ELOVL7: variants seen among roughly 807,000 people sequenced by gnomAD.
The protein encoded by ELOVL7 is ELOVL fatty acid elongase 7.
A neutral mutation model predicts 35.7 loss-of-function variants in ELOVL7; 27 were observed. That is an observed-to-expected ratio of 0.76 (90% CI 0.56 to 1.04). The LOEUF (loss-of-function observed/expected upper bound fraction) is 1.04, where lower values mean the gene tolerates loss of function less well. ELOVL7 is among the 50% of genes least tolerant of loss of function. ELOVL7 has a pLI of 0.00. For missense variants in ELOVL7, 327 were observed against 340.8 expected (o/e 0.96, Z 0.32); for synonymous variants, 113 against 114.6 (o/e 0.99, Z 0.09).
At chr5:60,778,505 C>G (rs913559732) in intron 3 of ELOVL7, among the ~76,000 whole-genome samples, 1 of 152,124 alleles carries the variant, frequency 6.6e-6, no homozygotes, top group Non-Finnish European at 1.5e-5. Flanking sequence ...CATGAAGTGG[C>G]AGGAGAGAGA....
intron 2 of ELOVL7, among the ~76,000 whole-genome samples, chr5:60,795,160 T>C (rs1213564118): frequency 6.6e-6 from 1 of 151,968 alleles, no homozygotes; most frequent in Non-Finnish European, 1.5e-5. Flanking sequence ...GACAGGGAAG[T>C]CCAGATGTGA....
At chr5:60,780,658 A>G (rs1223250710) in intron 3 of ELOVL7, among the ~76,000 whole-genome samples, 1 of 152,184 alleles carries the variant, frequency 6.6e-6, no homozygotes, top group Non-Finnish European at 1.5e-5. Flanking sequence ...GAAACTTACA[A>G]TCATGACATA....
chr5:60,814,228 T>C (rs1745395230), intron 1 of ELOVL7, among the ~76,000 whole-genome samples: 1 of 152,176 alleles, frequency 6.6e-6, no homozygotes, highest in African/African-American at 2.4e-5. Flanking sequence ...ATTTTCATAA[T>C]GAGTTATTAT....
intron 3 of ELOVL7, among the ~76,000 whole-genome samples, chr5:60,773,641 A>C (rs771093972): frequency 2.6e-4 from 40 of 152,340 alleles, no homozygotes; most frequent in Middle Eastern, 3.4e-3. Context: ...ATATATGATT[A>C]AGGAAGTCCC....
intron 7 of ELOVL7, among the ~76,000 whole-genome samples, chr5:60,763,160 A>G (rs16878373): frequency 0.19 from 28,711 of 152,168 alleles, 4,909 homozygotes; most frequent in African/African-American, 0.46. Flanking sequence ...TCAGTAATAA[A>G]TGCCAATTCT....
chr5:60,754,968 C>T, intron 8 of ELOVL7, 135 bp from the exon 9 acceptor site: 1 of 706,714 alleles, frequency 1.4e-6, no homozygotes, highest in Admixed American at 2.8e-5. Flanking sequence ...AATCTAGCCT[C>T]CCTGAGAGTG....
At chr5:60,796,291 G>A (rs181974226) in intron 2 of ELOVL7, among the ~76,000 whole-genome samples, 1 of 152,340 alleles carries the variant, frequency 6.6e-6, no homozygotes, top group East Asian at 1.9e-4. Flanking sequence ...GGAGGAAAGT[G>A]ACCAGCAGCT....
chr5:60,773,091 A>G (rs1742695870), intron 3 of ELOVL7, among the ~76,000 whole-genome samples: 1 of 152,224 alleles, frequency 6.6e-6, no homozygotes, highest in Admixed American at 6.5e-5. Context: ...GCTCCAGGCC[A>G]GCAGAGATGG....
chr5:60,808,109 G>A (rs1225023783), intron 1 of ELOVL7, among the ~76,000 whole-genome samples: 1 of 147,664 alleles, frequency 6.8e-6, no homozygotes, highest in Non-Finnish European at 1.5e-5. Context: ...ATCAGAAACA[G>A]CCAGAAACAG....
chr5:60,782,642 C>A (rs996855381), intron 3 of ELOVL7, among the ~76,000 whole-genome samples: 5 of 152,160 alleles, frequency 3.3e-5, no homozygotes, highest in African/African-American at 1.2e-4. Flanking sequence ...AAAATCCTAT[C>A]ATTTGTGACA....
chr5:60,807,873 C>T (rs1745023361), intron 1 of ELOVL7, among the ~76,000 whole-genome samples: 1 of 151,264 alleles, frequency 6.6e-6, no homozygotes, highest in South Asian at 2.1e-4. Context: ...GTGGTGGGCA[C>T]CTGTAGTCCC....
intron 1 of ELOVL7, among the ~76,000 whole-genome samples, chr5:60,803,993 A>G (rs980285741): frequency 6.6e-6 from 1 of 152,210 alleles, no homozygotes; most frequent in Admixed American, 6.5e-5. Context: ...ATGACCCACC[A>G]AAGTAATTCA....
At chr5:60,776,817 C>T (rs1181692439) in intron 3 of ELOVL7, among the ~76,000 whole-genome samples, 1 of 152,114 alleles carries the variant, frequency 6.6e-6, no homozygotes, top group African/African-American at 2.4e-5. Context: ...ACCTCAGCAT[C>T]AGACAATATA....
At chr5:60,772,953 G>A (rs371273139) in intron 3 of ELOVL7, among the ~76,000 whole-genome samples, 1 of 152,124 alleles carries the variant, frequency 6.6e-6, no homozygotes, top group Non-Finnish European at 1.5e-5. Flanking sequence ...GAATAGAAAG[G>A]CTGAACATCC....
chr5:60,784,811 TCAAAA>T (rs946648492), intron 3 of ELOVL7, among the ~76,000 whole-genome samples: 1 of 152,272 alleles, frequency 6.6e-6, no homozygotes, highest in African/African-American at 2.4e-5. Flanking sequence ...GCTGTATATC[TCAAAA>T]CAAAACATTT....
At chr5:60,776,763 G>T (rs559255148) in intron 3 of ELOVL7, among the ~76,000 whole-genome samples, 14 of 152,232 alleles carry the variant, frequency 9.2e-5, no homozygotes, top group Admixed American at 5.9e-4. Flanking sequence ...ATACTTTTAA[G>T]TACTATGTTC....
chr5:60,765,135 G>C (rs1460957), intron 6 of ELOVL7, among the ~76,000 whole-genome samples: 3,385 of 152,288 alleles, frequency 0.022, 80 homozygotes, highest in African/African-American at 0.058. Flanking sequence ...CCTTACGGAA[G>C]CTGGAACTGA....
rs1344617795 is a variant in ELOVL7 at position 60,783,998 on chromosome 5, C to G, written c.64+3336G>C. The stretch of plus-strand genomic sequence containing the variant: ...GCAGGCTGTCTGACAGTCTATACCC[C>G]AATGATTACCAAAGTTCTGATTTAT... On this transcript the variant is annotated intron_variant, in intron 3 of 8. Transcript: ENST00000508821. 4 of 682,944 alleles carry G rather than the reference C, an allele frequency of 5.9e-6. No individual in the cohort carries two copies. The Admixed American group carries it at 8.1e-5, about 14-fold the overall frequency. The allele number at this position is 682,944 out of a possible 1,614,324, so 42.3% of individuals were successfully genotyped here. A position where few individuals can be genotyped will look rare whatever the true frequency, so the allele number is the denominator to read the frequency against.
intron 3 of ELOVL7, among the ~76,000 whole-genome samples, chr5:60,780,793 C>T (rs549108548): frequency 7.0e-4 from 106 of 152,220 alleles, no homozygotes; most frequent in African/African-American, 2.5e-3. Context: ...GGAACTGCGC[C>T]CATGATTCAG....
Sources: allele counts gnomAD v4.1 joint callset (sites outside exome capture counted in the v4.1 genomes callset), GRCh38; gene constraint gnomAD v4.1.1; transcripts MANE v1.5; gene names NCBI Gene and HGNC (gene_info 2026-07-23, HGNC 2026-07-21).